The following WDFY2 variants were observed in gnomAD, a reference collection of about 807,000 sequenced individuals.
WDFY2 encodes WD repeat and FYVE domain containing 2, also known as WD repeat and FYVE domain-containing protein 2.
Under a neutral mutation model 56.4 loss-of-function variants are expected in WDFY2, and 36 were observed. That is an observed-to-expected ratio of 0.64 (90% confidence interval 0.49 to 0.84). The LOEUF is 0.84. Among genes scored for constraint, WDFY2 ranks in the 40% least tolerant of loss-of-function variants. The pLI is 0.00. For missense variants in WDFY2, 444 were observed against 512.2 expected, an observed-to-expected ratio of 0.87 and a Z score of 1.29; for synonymous variants, 176 against 183.7, an observed-to-expected ratio of 0.96 and a Z score of 0.34.
intron 1 of WDFY2, among the ~76,000 whole-genome samples, chr13:51,600,239 G>T (rs554453341): frequency 2.4e-4 from 36 of 152,284 alleles, no homozygotes; most frequent in African/African-American, 7.2e-4. Flanking sequence ...TTGAAAATCA[G>T]TTGTGTCCTA....
At chr13:51,592,405 T>C (rs1954065174) in intron 1 of WDFY2, 2 of 151,766 alleles carry the variant, frequency 1.3e-5, no homozygotes, top group Admixed American at 1.3e-4. Flanking sequence ...TGAAACCCTG[T>C]CTCTACTAAA....
At chr13:51,652,150 A>G (rs1299895503) in intron 1 of WDFY2, among the ~76,000 whole-genome samples, 1 of 152,094 alleles carries the variant, frequency 6.6e-6, no homozygotes, top group Non-Finnish European at 1.5e-5. Context: ...TCCCTTTACC[A>G]TTATGTAATG....
chr13:51,720,073 A>T (rs545481604), intron 5 of WDFY2, among the ~76,000 whole-genome samples: 2 of 152,334 alleles, frequency 1.3e-5, no homozygotes, highest in African/African-American at 4.8e-5. Context: ...TAGTTTAAAA[A>T]GCATATGGTC....
chr13:51,755,609 T>C, intron 9 of WDFY2, 150 bp downstream of exon 9: 1 of 736,956 alleles, frequency 1.4e-6, no homozygotes, highest in South Asian at 1.8e-5. Context: ...TAATTTACTC[T>C]GTCTACCATA....
At chr13:51,757,715 A>G (rs186562071) in intron 10 of WDFY2, among the ~76,000 whole-genome samples, 274 of 152,192 alleles carry the variant, frequency 1.8e-3, no homozygotes, top group African/African-American at 5.9e-3. Flanking sequence ...TTAGAATACT[A>G]TAGAAAAACC....
intron 6 of WDFY2, 50 bp from the exon 7 acceptor site, chr13:51,738,999 G>C (rs762795328): frequency 6.9e-7 from 1 of 1,454,972 alleles, no homozygotes; most frequent in Non-Finnish European, 9.1e-7. Flanking sequence ...TTCTTTTGTG[G>C]GTAAGAGTCT....
Position 51,739,097 on chromosome 13 carries a change from C to T in WDFY2, c.647C>T (p.Ser216Leu). 1 of 1,602,896 alleles carries T rather than the reference C, an allele frequency of 6.2e-7. No homozygotes were observed. Among genetic ancestry groups the T allele is most frequent in the Non-Finnish European group, 8.5e-7 (1 of 1,174,968 alleles). The change falls in exon 7 of 12, where the codon TCA becomes TTA. Residue 216 changes from serine (S) to leucine (L), a missense_variant. By Grantham distance (145) the Ser-to-Leu change is moderately radical. Transcript: ENST00000298125. ...GACCCAGTCCAGCGGGTGTTGTTCT[C>T]AGGCAGTTCAGATCACTCTGTCATC... ...CWDPVQRVLFSGSSDHSVIMW... is the reference protein window; with the variant it reads ...CWDPVQRVLFLGSSDHSVIMW...
intron 1 of WDFY2, among the ~76,000 whole-genome samples, chr13:51,650,875 CTT>C (rs1293297666): frequency 1.3e-5 from 2 of 152,056 alleles, no homozygotes; most frequent in Admixed American, 1.3e-4. Flanking sequence ...CTAAAATTCT[CTT>C]TTTTTGTTGT....
chr13:51,632,755 T>G (rs1349543034), intron 1 of WDFY2, among the ~76,000 whole-genome samples: 1 of 152,254 alleles, frequency 6.6e-6, no homozygotes. Flanking sequence ...CAAACTTGTC[T>G]TGTTTCTAGC....
intron 3 of WDFY2, among the ~76,000 whole-genome samples, chr13:51,691,183 A>G (rs1377874735): frequency 6.6e-6 from 1 of 152,148 alleles, no homozygotes; most frequent in Non-Finnish European, 1.5e-5. Flanking sequence ...TTTGCTGTGC[A>G]GAAGCTCTTT....
chr13:51,657,169 A>G (rs943990370), intron 1 of WDFY2, among the ~76,000 whole-genome samples: 2 of 151,856 alleles, frequency 1.3e-5, no homozygotes, highest in African/African-American at 2.4e-5. Context: ...AATTGATATC[A>G]ATTTATTTTT....
At chr13:51,715,888 G>A (rs1364776061) in intron 4 of WDFY2, among the ~76,000 whole-genome samples, 2 of 152,022 alleles carry the variant, frequency 1.3e-5, no homozygotes, top group Non-Finnish European at 2.9e-5. Context: ...CTGAAGCATC[G>A]TTATGTGGAG....
At chr13:51,756,211 C>T in intron 9 of WDFY2, 121 bp from the exon 10 acceptor site, 1 of 1,422,730 alleles carries the variant, frequency 7.0e-7, no homozygotes, top group Non-Finnish European at 9.4e-7. Context: ...CTGGGGCTCT[C>T]TTGTTCAGCA....
intron 1 of WDFY2, among the ~76,000 whole-genome samples, chr13:51,623,859 G>T (rs534729689): frequency 3.4e-4 from 51 of 150,544 alleles, no homozygotes; most frequent in Admixed American, 9.9e-4. Flanking sequence ...TTTTTTAAAG[G>T]AATAGGCACT....
chr13:51,719,125 A>C (rs1952430892), intron 4 of WDFY2, 73 bp from the exon 5 acceptor site: 2 of 1,593,124 alleles, frequency 1.3e-6, no homozygotes, highest in Middle Eastern at 1.6e-4. Flanking sequence ...AGAATGGTGC[A>C]TCTCTGTGGG....
At position 51,758,552 on chromosome 13, in the gene WDFY2, T is replaced by TAAA. The variant is rs35383381; in HGVS notation, c.1173+270_1173+272dup. ...AGCAACAAAGCAAGACCTCATCTCT[T>TAAA]AAAAAAAAAAAAAAAAAAAAGTTAC... is the stretch of plus-strand genomic sequence containing the variant. On this transcript the variant is annotated intron_variant, in intron 11 of 11. Coordinates refer to ENST00000298125, the MANE Select transcript of WDFY2 (RefSeq NM_052950.4). Among the ~76,000 whole-genome samples, 49 of 127,708 alleles carry TAAA rather than the reference T, an allele frequency of 3.8e-4. 1 individual carries two copies. Among genetic ancestry groups the TAAA allele is most frequent in the Non-Finnish European group, 7.2e-4 (43 of 60,002 alleles). The allele number at this position is 127,708 out of a possible 152,430, so 83.8% of individuals were successfully genotyped here.
At chr13:51,659,162 G>A (rs1955566113) in intron 1 of WDFY2, among the ~76,000 whole-genome samples, 1 of 152,030 alleles carries the variant, frequency 6.6e-6, no homozygotes, top group East Asian at 1.9e-4. Flanking sequence ...CCTGACCTCA[G>A]GTGATCTGCC....
Position 51,713,928 on chromosome 13 carries a change from A to G in WDFY2, c.335-5270A>G, listed in dbSNP as rs928836697. ...ACTTATGGTAATCAAATTCATAGAG[A>G]CAGAAAGGCAAATGGTGATTACCAA... On this transcript the variant is annotated intron_variant, in intron 4 of 11. Coordinates refer to ENST00000298125, the MANE Select transcript of WDFY2 (RefSeq NM_052950.4). Among the ~76,000 whole-genome samples, 5 of 151,738 alleles carry G rather than the reference A, an allele frequency of 3.3e-5. No homozygotes were observed. The South Asian group carries it at 8.3e-4, about 25-fold the overall frequency.
intron 1 of WDFY2, among the ~76,000 whole-genome samples, chr13:51,654,599 G>A (rs187442195): frequency 5.3e-4 from 80 of 152,016 alleles, no homozygotes; most frequent in African/African-American, 1.8e-3. Context: ...AATATGACTC[G>A]TAACCATAGT....
Sources: gnomAD v4.1 joint callset for allele counts (sites outside exome capture counted in the v4.1 genomes callset) on GRCh38, gnomAD v4.1.1 for gene constraint, MANE v1.5 for transcripts, NCBI Gene and HGNC (gene_info 2026-07-23, HGNC 2026-07-21) for gene names.